The following TBCD variants were observed in gnomAD, a reference collection of about 807,000 sequenced individuals.
TBCD encodes tubulin folding cofactor D, also known as tubulin-specific chaperone D.
A neutral mutation model predicts 169.3 loss-of-function variants in TBCD; 105 were observed. The ratio of observed to expected loss-of-function variants is 0.62; its 90% confidence interval spans 0.53 to 0.73. The LOEUF is 0.73. TBCD is among the 30% of genes least tolerant of loss of function. TBCD has a pLI of 0.00. For synonymous variants in TBCD, 700 were observed against 643.9 expected, an observed-to-expected ratio of 1.09 and a Z score of -1.32; for missense variants, 1,444 against 1,600.1, an observed-to-expected ratio of 0.90 and a Z score of 1.66.
chr17:82,787,203 C>A (rs1005947220), intron 7 of TBCD, among the ~76,000 whole-genome samples: 1 of 152,202 alleles, frequency 6.6e-6, no homozygotes, highest in Admixed American at 6.5e-5. Context: ...TGCTGTCCTG[C>A]CGTTTAGGGC....
Position 82,890,064 on chromosome 17 carries a change from T to C in TBCD, c.1563+367T>C, listed in dbSNP as rs996735292. 2.0e-5 allele frequency among the ~76,000 whole-genome samples: 3 copies of C among 152,202 alleles called. No homozygotes were observed. The highest frequency in any genetic ancestry group is 7.2e-5 in the African/African-American group (3 of 41,452). On this transcript the variant is annotated intron_variant, in intron 16 of 38. Coordinates refer to ENST00000355528, the MANE Select transcript of TBCD (RefSeq NM_005993.5). This position sits in a 1 kb window ranked among gnomAD's most constrained non-coding sequence, Gnocchi z 5.3. ...GGAGCTGGCTCTGTTGACGTCAGCT[T>C]GTGCCTCATCCAGACCATAGACGGG...
chr17:82,937,959 G>A, intron 35 of TBCD, 90 bp from the exon 36 acceptor site: 1 of 1,569,868 alleles, frequency 6.4e-7, no homozygotes, highest in Non-Finnish European at 8.6e-7. Context: ...GCTCTGCCCA[G>A]GTCTCTGCAT....
chr17:82,937,156 G>A, intron 34 of TBCD, 115 bp from the exon 35 acceptor site: 4 of 883,768 alleles, frequency 4.5e-6, no homozygotes, highest in Non-Finnish European at 7.2e-6. Flanking sequence ...AGGGCTGCAG[G>A]CTTCTTGGAC....
intron 15 of TBCD, among the ~76,000 whole-genome samples, chr17:82,887,175 G>GCGCGCGCACGTGCGCTCA (rs2058808456): frequency 1.5e-5 from 1 of 68,786 alleles, no homozygotes; most frequent in Non-Finnish European, 2.7e-5. Flanking sequence ...GTGTGCGCGC[G>GCGCGCGCACGTGCGCTCA]CGCGCACGTG....
At chr17:82,912,181 G>C (rs2060692016) in intron 23 of TBCD, among the ~76,000 whole-genome samples, 1 of 151,516 alleles carries the variant, frequency 6.6e-6, no homozygotes, top group Non-Finnish European at 1.5e-5. Context: ...CCTGTGGACT[G>C]AGCAGCGCAG....
chr17:82,902,453 C>G (rs2059956579), intron 18 of TBCD, among the ~76,000 whole-genome samples: 1 of 152,252 alleles, frequency 6.6e-6, no homozygotes, highest in Non-Finnish European at 1.5e-5. Context: ...TTTCTGTTCC[C>G]TCAGAGTTGC....
intron 14 of TBCD, among the ~76,000 whole-genome samples, chr17:82,879,700 A>G (rs2058224925): frequency 6.6e-6 from 1 of 152,168 alleles, no homozygotes; most frequent in Non-Finnish European, 1.5e-5. Context: ...AGCACCAAAC[A>G]GGACAGTCCG....
intron 13 of TBCD, among the ~76,000 whole-genome samples, chr17:82,816,204 G>A (rs1016506507): frequency 1.3e-5 from 2 of 152,174 alleles, no homozygotes; most frequent in African/African-American, 4.8e-5. Flanking sequence ...CTGTGTCGTA[G>A]CCTGTGGAGT....
At chr17:82,771,423 G>GTTTT (rs879433375) in intron 5 of TBCD, among the ~76,000 whole-genome samples, 2 of 145,056 alleles carry the variant, frequency 1.4e-5, no homozygotes, top group Non-Finnish European at 3.0e-5. Flanking sequence ...GCTGCAGTGA[G>GTTTT]TTTTTTTTTT....
intron 17 of TBCD, among the ~76,000 whole-genome samples, chr17:82,895,125 C>T (rs974049487): frequency 6.6e-6 from 1 of 152,242 alleles, no homozygotes; most frequent in Non-Finnish European, 1.5e-5. Context: ...TTTATAAAAA[C>T]ATTTGCCAAC....
rs1303087435 is a variant in TBCD at position 82,779,536 on chromosome 17, G to A, written c.639-2053G>A. Among the ~76,000 whole-genome samples the A allele has an allele frequency of 3.3e-5, 5 of 152,202 alleles. No individual in the cohort carries two copies. In the South Asian group the frequency reaches 8.3e-4, roughly 25 times the overall value. On this transcript the variant is annotated intron_variant, in intron 6 of 38. Transcript: ENST00000355528. ...GGAGGGGAGAGGTCCTTGCTGTTAC[G>A]AGCAGTTGGCAGGTGCCAGCCGTCC...
At chr17:82,839,343 CCA>C (rs1230400433) in intron 13 of TBCD, among the ~76,000 whole-genome samples, 2 of 151,694 alleles carry the variant, frequency 1.3e-5, no homozygotes, top group East Asian at 3.9e-4. Flanking sequence ...TGTACATATA[CCA>C]CACACACATA....
At position 82,754,243 on chromosome 17, in the gene TBCD, T is replaced by G. The variant is rs150672081; in HGVS notation, c.184+1866T>G. ...GGTAATCTGGGGGAAAGGGTGGGGG[T>G]GGCTGATTGGTTAGGGGTATACAAT... On this transcript the variant is annotated intron_variant, in intron 1 of 38. Transcript: ENST00000355528. Among the ~76,000 whole-genome samples the G allele has an allele frequency of 6.6e-5, 10 of 151,654 alleles. No individual in the cohort carries two copies. The East Asian group carries it at 1.9e-3, about 29-fold the overall frequency.
intron 6 of TBCD, among the ~76,000 whole-genome samples, chr17:82,778,570 C>T (rs1435367967): frequency 6.6e-6 from 1 of 151,848 alleles, no homozygotes; most frequent in Non-Finnish European, 1.5e-5. Flanking sequence ...GCAATCCTCC[C>T]ACCTTAGCCT....
intron 13 of TBCD, among the ~76,000 whole-genome samples, chr17:82,836,605 G>A (rs564689025): frequency 6.6e-6 from 1 of 151,688 alleles, no homozygotes; most frequent in East Asian, 1.9e-4. Context: ...GCTCAGAGGA[G>A]CAAATGATTC....
chr17:82,931,021 G>T (rs2062156691), intron 33 of TBCD, among the ~76,000 whole-genome samples: 1 of 152,246 alleles, frequency 6.6e-6, no homozygotes, highest in South Asian at 2.1e-4. Context: ...CGGCAAGTGA[G>T]AGCTCTGTGT....
intron 13 of TBCD, among the ~76,000 whole-genome samples, chr17:82,827,463 G>A (rs571055702): frequency 2.0e-5 from 3 of 152,308 alleles, no homozygotes; most frequent in African/African-American, 2.4e-5. Context: ...GGAAGTCTAC[G>A]CTCCTAAAGC....
At chr17:82,817,850 TG>T (rs1178915556) in intron 13 of TBCD, among the ~76,000 whole-genome samples, 1 of 152,246 alleles carries the variant, frequency 6.6e-6, no homozygotes, top group Non-Finnish European at 1.5e-5. Flanking sequence ...AAGAAATCAT[TG>T]CTGACCCCAG....
At chr17:82,847,854 CT>C (rs1199174518) in intron 13 of TBCD, among the ~76,000 whole-genome samples, 1 of 152,194 alleles carries the variant, frequency 6.6e-6, no homozygotes, top group African/African-American at 2.4e-5. Flanking sequence ...ATCTCCTGAC[CT>C]CGTGATCCAC....
Sources: allele counts gnomAD v4.1 joint callset (sites outside exome capture counted in the v4.1 genomes callset), GRCh38; gene constraint gnomAD v4.1.1; non-coding constraint Gnocchi (gnomAD v3.1); transcripts MANE v1.5; gene names NCBI Gene and HGNC (gene_info 2026-07-23, HGNC 2026-07-21).